The following DNAI7 variants were observed in gnomAD, a reference collection of about 807,000 sequenced individuals.
DNAI7 encodes the protein cancer susceptibility 1.
A neutral mutation model predicts 86.6 loss-of-function variants in DNAI7; 78 were observed. The ratio of observed to expected loss-of-function variants is 0.90; its 90% confidence interval spans 0.75 to 1.09. DNAI7 has a LOEUF of 1.09. Ranked by LOEUF, DNAI7 falls within the 50% of genes least tolerant of loss-of-function variation. The pLI is 0.00. For missense variants in DNAI7, 753 were observed against 810.2 expected (o/e 0.93, Z 0.86); for synonymous variants, 274 against 273.0 (o/e 1.00, Z -0.04).
At chr12:25,128,584 C>A (rs1432030421) in intron 9 of DNAI7, among the ~76,000 whole-genome samples, 1 of 152,202 alleles carries the variant, frequency 6.6e-6, no homozygotes, top group African/African-American at 2.4e-5. Flanking sequence ...ATCCCCCAAA[C>A]TTACCCAAAC....
chr12:25,185,835 C>T (rs772973153), intron 2 of DNAI7: 5 of 765,474 alleles, frequency 6.5e-6, no homozygotes, highest in African/African-American at 1.9e-5. Context: ...TAAGCACCCC[C>T]CTTTTGCCCA....
intron 2 of DNAI7, among the ~76,000 whole-genome samples, chr12:25,166,151 T>A (rs1034993652): frequency 6.6e-6 from 1 of 152,184 alleles, no homozygotes; most frequent in Non-Finnish European, 1.5e-5. Context: ...TCCCATGGCA[T>A]GCTTTAAAAG....
chr12:25,118,130 C>A (rs928045959), intron 12 of DNAI7, among the ~76,000 whole-genome samples: 9 of 151,978 alleles, frequency 5.9e-5, no homozygotes, highest in Non-Finnish European at 1.3e-4. Flanking sequence ...GATGGGGTTT[C>A]ACTATGTTGG....
chr12:25,110,312 T>A, intron 14 of DNAI7, 72 bp from the exon 15 acceptor site: 1 of 841,948 alleles, frequency 1.2e-6, no homozygotes, highest in South Asian at 1.4e-5. Context: ...TTGGCCTCCT[T>A]CAGTCTATTT....
chr12:25,182,638 A>ACACACACACACACACACACAC (rs1555184974), intron 2 of DNAI7, among the ~76,000 whole-genome samples: 1 of 150,700 alleles, frequency 6.6e-6, no homozygotes, highest in African/African-American at 2.4e-5. Context: ...ACACACACAC[A>ACACACACACACACACACACAC]AGCCAGATGT....
At chr12:25,152,744 T>C (rs1193769339) in intron 6 of DNAI7, among the ~76,000 whole-genome samples, 2 of 151,994 alleles carry the variant, frequency 1.3e-5, no homozygotes, top group Non-Finnish European at 2.9e-5. Flanking sequence ...GGGACGGGGG[T>C]CTGCACTAGC....
chr12:25,165,233 T>C (rs1947322130), intron 2 of DNAI7, among the ~76,000 whole-genome samples: 1 of 152,216 alleles, frequency 6.6e-6, no homozygotes, highest in Non-Finnish European at 1.5e-5. Flanking sequence ...CAGGACTTAA[T>C]TAACCTCGCC....
intron 2 of DNAI7, among the ~76,000 whole-genome samples, chr12:25,167,465 A>G (rs549228134): frequency 6.6e-6 from 1 of 152,108 alleles, no homozygotes; most frequent in East Asian, 1.9e-4. Context: ...ACTCACTCTT[A>G]TTATCATTCC....
At chr12:25,173,915 G>A (rs1460467664) in intron 2 of DNAI7, among the ~76,000 whole-genome samples, 2 of 141,494 alleles carry the variant, frequency 1.4e-5, no homozygotes, top group East Asian at 2.1e-4. Flanking sequence ...CATATATATG[G>A]AATATATATA....
chr12:25,165,576 C>G (rs984833087), intron 2 of DNAI7, among the ~76,000 whole-genome samples: 37 of 152,312 alleles, frequency 2.4e-4, no homozygotes, highest in Admixed American at 5.9e-4. Context: ...GCCCAAGGCT[C>G]TCTGACTGAC....
Position 25,112,407 on chromosome 12 carries a change from T to G in DNAI7, c.1612-468A>C, listed in dbSNP as rs915849005. On this transcript the variant is annotated intron_variant, in intron 13 of 15. Coordinates refer to ENST00000395987, the MANE Select transcript of DNAI7 (RefSeq NM_018272.5). ...TATAGAATTCACATCTGGTTTTTTT[T>G]TTTTTTTTTTTTTTTTTGAGACGGA... Among the ~76,000 whole-genome samples, 186 of 140,156 alleles carry G rather than the reference T, an allele frequency of 1.3e-3. 5 individuals are homozygous for G. Among genetic ancestry groups the G allele is most frequent in the Middle Eastern group, 3.5e-3 (1 of 284 alleles). 91.9% of individuals were successfully genotyped at this position (140,156 alleles called of 152,430 possible). A position where few individuals can be genotyped will look rare whatever the true frequency, so the allele number is the denominator to read the frequency against.
At chr12:25,126,614 C>T (rs1942168516) in intron 9 of DNAI7, among the ~76,000 whole-genome samples, 2 of 151,454 alleles carry the variant, frequency 1.3e-5, no homozygotes, top group Admixed American at 1.3e-4. Context: ...AGAGTGATAA[C>T]AATTAGCACC....
chr12:25,173,244 A>C (rs115436771), intron 2 of DNAI7, among the ~76,000 whole-genome samples: 1,593 of 152,280 alleles, frequency 0.01, 27 homozygotes, highest in African/African-American at 0.035. Context: ...ACTCAAGCAC[A>C]TCAGTAAGAA....
intron 2 of DNAI7, among the ~76,000 whole-genome samples, chr12:25,188,167 A>G (rs970851528): frequency 2.6e-5 from 4 of 152,246 alleles, no homozygotes; most frequent in African/African-American, 9.6e-5. Context: ...ATTATAAGAC[A>G]CATCTCAATT....
intron 6 of DNAI7, among the ~76,000 whole-genome samples, chr12:25,151,263 T>C (rs541095609): frequency 6.6e-6 from 1 of 152,114 alleles, no homozygotes; most frequent in East Asian, 1.9e-4. Flanking sequence ...CCTAGTGTTA[T>C]TATGAGAACT....
chr12:25,136,076 G>A (rs7956818), intron 9 of DNAI7, among the ~76,000 whole-genome samples: 27,560 of 152,068 alleles, frequency 0.18, 2,627 homozygotes, highest in Middle Eastern at 0.24. Flanking sequence ...CCACCTCCTG[G>A]CTGAAGGCCA....
intron 2 of DNAI7, among the ~76,000 whole-genome samples, chr12:25,166,014 T>C (rs933500460): frequency 1.3e-5 from 2 of 152,074 alleles, no homozygotes; most frequent in African/African-American, 2.4e-5. Flanking sequence ...ACATCCTCCC[T>C]TTGTATCTCC....
chr12:25,169,693 C>T (rs1317809088), intron 2 of DNAI7, among the ~76,000 whole-genome samples: 2 of 151,688 alleles, frequency 1.3e-5, no homozygotes. Context: ...ACTAAAAATA[C>T]AAAAATCAGC....
At chr12:25,118,003 G>A (rs1158543379) in intron 12 of DNAI7, among the ~76,000 whole-genome samples, 3 of 140,558 alleles carry the variant, frequency 2.1e-5, no homozygotes, top group Admixed American at 7.9e-5. Context: ...GCGCAATCTC[G>A]GCTCACTGCA....
Sources: allele counts gnomAD v4.1 joint callset (sites outside exome capture counted in the v4.1 genomes callset), GRCh38; gene constraint gnomAD v4.1.1; transcripts MANE v1.5; gene names NCBI Gene and HGNC (gene_info 2026-07-23, HGNC 2026-07-21).